Variants in PDE4D observed in about 807,000 individuals in gnomAD.
The protein encoded by PDE4D is phosphodiesterase 4D, also known as 3',5'-cyclic-AMP phosphodiesterase 4D.
Under a neutral mutation model 87.4 loss-of-function variants are expected in PDE4D, and 24 were observed. That is an observed-to-expected ratio of 0.27 (90% confidence interval 0.20 to 0.39). The LOEUF (loss-of-function observed/expected upper bound fraction) is 0.39, where lower values mean the gene tolerates loss of function less well. Ranked by LOEUF, PDE4D falls within the 10% of genes least tolerant of loss-of-function variation. The probability of loss-of-function intolerance (pLI) is 1.00; values close to 1 mark genes in which losing one functional copy is unlikely to be tolerated. For missense variants in PDE4D, 714 were observed against 1,041.0 expected, an observed-to-expected ratio of 0.69 and a Z score of 4.32; for synonymous variants, 384 against 383.2, an observed-to-expected ratio of 1.00 and a Z score of -0.02.
At chr5:59,352,273 T>C (rs1203980580) in intron 1 of PDE4D, among the ~76,000 whole-genome samples, 1 of 152,196 alleles carries the variant, frequency 6.6e-6, no homozygotes, top group African/African-American at 2.4e-5. Context: ...TATTTGATAC[T>C]AATTACACTC....
chr5:60,063,012 A>T (rs1302239671), intron 2 of PDE4D, among the ~76,000 whole-genome samples: 1 of 151,688 alleles, frequency 6.6e-6, no homozygotes, highest in Non-Finnish European at 1.5e-5. Context: ...GCAGCAAATC[A>T]TCGTGACACA....
intron 3 of PDE4D, among the ~76,000 whole-genome samples, chr5:59,939,408 G>A (rs1756940289): frequency 6.6e-6 from 1 of 152,288 alleles, no homozygotes; most frequent in South Asian, 2.1e-4. Flanking sequence ...GGACACAATG[G>A]CAAGCAAAAC....
chr5:59,239,676 A>G (rs1757250601), intron 1 of PDE4D, among the ~76,000 whole-genome samples: 1 of 152,148 alleles, frequency 6.6e-6, no homozygotes, highest in East Asian at 1.9e-4. Flanking sequence ...GCCCCTTAGT[A>G]AAAAATACTG....
chr5:59,574,084 T>TTA (rs1172030033), intron 1 of PDE4D, among the ~76,000 whole-genome samples: 1 of 109,776 alleles, frequency 9.1e-6, no homozygotes, highest in African/African-American at 4.1e-5. Flanking sequence ...ATATATATAT[T>TTA]TATATATATA....
intron 1 of PDE4D, among the ~76,000 whole-genome samples, chr5:60,361,393 A>G (rs1760053943): frequency 6.6e-6 from 1 of 152,252 alleles, no homozygotes. Context: ...AAAATATATT[A>G]AAGAATGAAA....
intron 1 of PDE4D, among the ~76,000 whole-genome samples, chr5:59,871,664 T>C (rs912939985): frequency 1.3e-5 from 2 of 152,162 alleles, no homozygotes; most frequent in African/African-American, 4.8e-5. Context: ...AACACACAAA[T>C]ACACAAATGT....
intron 1 of PDE4D, among the ~76,000 whole-genome samples, chr5:60,205,954 A>G (rs1246000826): frequency 6.6e-6 from 1 of 152,220 alleles, no homozygotes; most frequent in African/African-American, 2.4e-5. Flanking sequence ...AATGTACTTC[A>G]TTTTGAAAAT....
intron 1 of PDE4D, among the ~76,000 whole-genome samples, chr5:60,220,259 G>T (rs931083176): frequency 3.9e-5 from 6 of 152,106 alleles, no homozygotes; most frequent in African/African-American, 1.4e-4. Flanking sequence ...ACTCCAAGAT[G>T]ATAAGAAAGG....
intron 1 of PDE4D, among the ~76,000 whole-genome samples, chr5:59,236,121 A>G (rs1185217612): frequency 6.6e-6 from 1 of 152,112 alleles, no homozygotes; most frequent in Admixed American, 6.5e-5. Context: ...CCAAGTAGAG[A>G]ACATAGGACC....
chr5:59,394,755 G>A (rs143813043), intron 1 of PDE4D, among the ~76,000 whole-genome samples: 10,331 of 152,102 alleles, frequency 0.068, 957 homozygotes, highest in African/African-American at 0.21. Flanking sequence ...GAACAGCTCC[G>A]GTCTACAGCT....
chr5:60,185,003 AC>A (rs1784670081), intron 2 of PDE4D, among the ~76,000 whole-genome samples: 1 of 152,168 alleles, frequency 6.6e-6, no homozygotes, highest in East Asian at 1.9e-4. Context: ...TGACTGTGGT[AC>A]CTTAAGAACA....
intron 1 of PDE4D, among the ~76,000 whole-genome samples, chr5:60,310,524 A>T (rs1457209615): frequency 6.6e-6 from 1 of 152,220 alleles, no homozygotes; most frequent in Non-Finnish European, 1.5e-5. Context: ...ATGCTCAAAA[A>T]AGCCTCACTT....
intron 1 of PDE4D, among the ~76,000 whole-genome samples, chr5:59,371,833 T>C (rs1352951425): frequency 6.6e-6 from 1 of 152,216 alleles, no homozygotes; most frequent in Non-Finnish European, 1.5e-5. Flanking sequence ...CATCTCTAAT[T>C]TGTTTCTTAC....
chr5:59,351,665 C>T (rs577787064), intron 1 of PDE4D, among the ~76,000 whole-genome samples: 3 of 152,146 alleles, frequency 2.0e-5, no homozygotes, highest in East Asian at 1.9e-4. Context: ...TATAAAATAA[C>T]GGATTCATTT....
intron 3 of PDE4D, among the ~76,000 whole-genome samples, chr5:59,902,988 C>T (rs534776837): frequency 2.6e-5 from 4 of 152,066 alleles, no homozygotes; most frequent in Non-Finnish European, 5.9e-5. Context: ...AAAGTTAATA[C>T]CAAATTAAGA....
intron 5 of PDE4D, among the ~76,000 whole-genome samples, chr5:59,081,365 GT>G (rs1336488754): frequency 1.3e-5 from 2 of 151,898 alleles, no homozygotes; most frequent in Non-Finnish European, 2.9e-5. Flanking sequence ...ACTTCCTGTT[GT>G]TCAGTTATGC....
chr5:59,442,160 A>G (rs1361678975), intron 1 of PDE4D, among the ~76,000 whole-genome samples: 3 of 152,224 alleles, frequency 2.0e-5, no homozygotes, highest in East Asian at 1.9e-4. Flanking sequence ...TTTATTAATG[A>G]AAGATAAGGC....
chr5:58,995,955 G>C lies in PDE4D; in HGVS notation c.922-2490C>G, dbSNP rs1291892140. ...CATATATACCATGGAATACTACGTA[G>C]CCATAAAAAGGGATGAGTTCACGTC... On this transcript the variant is annotated intron_variant, in intron 6 of 14. Transcript: ENST00000340635. 2.0e-5 allele frequency among the ~76,000 whole-genome samples: 3 copies of C among 152,176 alleles called. No homozygotes were observed. In the South Asian group the frequency reaches 6.2e-4, roughly 32 times the overall value.
At chr5:59,077,081 C>T (rs1215200448) in intron 5 of PDE4D, among the ~76,000 whole-genome samples, 2 of 152,122 alleles carry the variant, frequency 1.3e-5, no homozygotes, top group African/African-American at 2.4e-5. Flanking sequence ...CACTTAAATG[C>T]TATATGACAA....
Sources: gnomAD v4.1 joint callset for allele counts (sites outside exome capture counted in the v4.1 genomes callset) on GRCh38, gnomAD v4.1.1 for gene constraint, MANE v1.5 for transcripts, NCBI Gene and HGNC (gene_info 2026-07-23, HGNC 2026-07-21) for gene names.